GDPD5: variants seen among roughly 807,000 people sequenced by gnomAD.
The protein encoded by GDPD5 is glycerophosphodiester phosphodiesterase 2.
In GDPD5, 48 loss-of-function variants were observed where a neutral mutation model predicts 75.1. That is an observed-to-expected ratio of 0.64 (90% CI 0.51 to 0.81). GDPD5 has a LOEUF of 0.81. Among genes scored for constraint, GDPD5 ranks in the 40% least tolerant of loss-of-function variants. The pLI is 0.00. For synonymous variants in GDPD5, 336 were observed against 339.0 expected, an observed-to-expected ratio of 0.99 and a Z score of 0.10; for missense variants, 706 against 822.6, an observed-to-expected ratio of 0.86 and a Z score of 1.73.
In GDPD5 at chr11:75,449,524, C is replaced by T; in HGVS notation, c.561G>A (p.Glu187=). Reference sequence around the variant, plus strand: ...CTTCACAGTTCTACTCACAGGTCCGCTCTGCGCGGGCGAACTGTCCTGCCA... The same window carrying T: ...CTTCACAGTTCTACTCACAGGTCCGTTCTGCGCGGGCGAACTGTCCTGCCA... The part of the protein sequence containing the change: ...WIVAGQFARA[E]RTSSQVTILC... The change falls in exon 8 of 17, where the codon GAG becomes GAA. Residue 187 remains glutamate (E), a synonymous_variant. Coordinates refer to ENST00000336898, the MANE Select transcript of GDPD5 (RefSeq NM_030792.8). The T allele has an allele frequency of 6.4e-7, 1 of 1,573,150 alleles. No individual in the cohort carries two copies. Among genetic ancestry groups the T allele is most frequent in the South Asian group, 1.2e-5 (1 of 85,606 alleles).
At chr11:75,436,290 G>A (rs1565175753) in intron 16 of GDPD5, among the ~76,000 whole-genome samples, 2 of 152,254 alleles carry the variant, frequency 1.3e-5, no homozygotes, top group East Asian at 1.9e-4. Context: ...CCAGGCAAGC[G>A]GTGCTCCCTT....
At chr11:75,498,270 G>A (rs1173670813) in intron 1 of GDPD5, among the ~76,000 whole-genome samples, 1 of 152,224 alleles carries the variant, frequency 6.6e-6, no homozygotes, top group Non-Finnish European at 1.5e-5. Context: ...GATTTAGTCA[G>A]TACAGCCAGG....
At chr11:75,471,635 T>C (rs1949667008) in intron 3 of GDPD5, among the ~76,000 whole-genome samples, 1 of 152,084 alleles carries the variant, frequency 6.6e-6, no homozygotes, top group African/African-American at 2.4e-5. Flanking sequence ...CGTCACAGGG[T>C]GGGTGGTGAT....
chr11:75,502,416 T>C (rs1950317755), intron 1 of GDPD5, among the ~76,000 whole-genome samples: 1 of 152,240 alleles, frequency 6.6e-6, no homozygotes. Context: ...ACGAATAAGT[T>C]GCATATGGTC....
chr11:75,444,559 G>A, intron 9 of GDPD5, 64 bp from the exon 10 acceptor site: 3 of 1,257,622 alleles, frequency 2.4e-6, no homozygotes, highest in Non-Finnish European at 3.5e-6. Flanking sequence ...CCCAGCCAAT[G>A]GAAAGTCTTT....
At chr11:75,458,087 T>C (rs1002340562) in intron 4 of GDPD5, among the ~76,000 whole-genome samples, 29 of 152,336 alleles carry the variant, frequency 1.9e-4, no homozygotes, top group African/African-American at 7.0e-4. Flanking sequence ...CATGCCTATA[T>C]GTTTGTATAA....
At chr11:75,467,051 C>T (rs751675584) in intron 3 of GDPD5, among the ~76,000 whole-genome samples, 20 of 152,200 alleles carry the variant, frequency 1.3e-4, no homozygotes, top group South Asian at 8.3e-4. Flanking sequence ...GATGCTCCTT[C>T]AGGAAGCCTT....
chr11:75,440,093 T>C (rs1431400103), intron 14 of GDPD5, 132 bp from the exon 15 acceptor site: 1 of 651,676 alleles, frequency 1.5e-6, no homozygotes, highest in African/African-American at 1.8e-5. Flanking sequence ...TGAGAGGGTC[T>C]GGGGGCTGAA....
Position 75,439,861 on chromosome 11 carries a change from T to G in GDPD5, c.1556+18A>C, listed in dbSNP as rs746407336. The G allele has an allele frequency of 6.2e-7, 1 of 1,605,222 alleles. No homozygotes were observed. The highest frequency in any genetic ancestry group is 8.5e-7 in the Non-Finnish European group (1 of 1,172,382). ...TGCAGGGTAGGGACAGCCACGGAAGTGGTCAGATCCTACTCACTTCTGGAG... is the reference window on the plus strand; with the variant it reads ...TGCAGGGTAGGGACAGCCACGGAAGGGGTCAGATCCTACTCACTTCTGGAG... On this transcript the variant is annotated intron_variant, in intron 15 of 16. Transcript: ENST00000336898.
chr11:75,456,302 T>C (rs548260579), intron 6 of GDPD5, among the ~76,000 whole-genome samples: 1 of 152,176 alleles, frequency 6.6e-6, no homozygotes, highest in East Asian at 1.9e-4. Flanking sequence ...AGGCTTTAAG[T>C]TGGGGAATGC....
At chr11:75,476,877 AT>A (rs1400441881) in intron 3 of GDPD5, among the ~76,000 whole-genome samples, 1 of 146,188 alleles carries the variant, frequency 6.8e-6, no homozygotes, top group African/African-American at 2.5e-5. Flanking sequence ...ACCGCTCCCC[AT>A]CCCCCACCCC....
intron 3 of GDPD5, among the ~76,000 whole-genome samples, chr11:75,466,307 G>A (rs888286916): frequency 2.0e-5 from 3 of 152,158 alleles, no homozygotes; most frequent in Admixed American, 1.3e-4. Flanking sequence ...GGCAGGCAGC[G>A]GGGGTCACTC....
At chr11:75,458,461 A>G (rs1949340112) in intron 4 of GDPD5, among the ~76,000 whole-genome samples, 1 of 152,130 alleles carries the variant, frequency 6.6e-6, no homozygotes, top group African/African-American at 2.4e-5. Context: ...TCACGAGGTC[A>G]GGAGATCGAG....
At chr11:75,460,938 A>G (rs1949396936) in intron 4 of GDPD5, among the ~76,000 whole-genome samples, 1 of 151,890 alleles carries the variant, frequency 6.6e-6, no homozygotes. Context: ...AGTGACAGGG[A>G]GCTCACTCTC....
At chr11:75,471,360 C>T (rs965340534) in intron 3 of GDPD5, among the ~76,000 whole-genome samples, 2 of 152,220 alleles carry the variant, frequency 1.3e-5, no homozygotes, top group African/African-American at 2.4e-5. Context: ...CACCCCCAGC[C>T]GGCTCCTGAC....
At position 75,435,531 on chromosome 11, in the gene GDPD5, G is replaced by A. The variant is rs1565175046; in HGVS notation, c.1794C>T (p.Thr598=). The A allele has an allele frequency of 6.2e-7, 1 of 1,611,872 alleles. No homozygotes were observed. The highest frequency in any genetic ancestry group is 8.5e-7 in the Non-Finnish European group (1 of 1,179,068). ...GCTAACGCCCACTCCGCTCTATGAG[G>A]GTCTTGGTGTGGCTGCCACCCCCTC... ...GPRGGGSHTK[T]LIERSGR is the part of the protein sequence containing the mutation. The change falls in exon 17 of 17, where the codon ACC becomes ACT. Residue 598 remains threonine (T), a synonymous_variant. Coordinates refer to ENST00000336898, the MANE Select transcript of GDPD5 (RefSeq NM_030792.8).
At chr11:75,440,078 G>A (rs1948745215) in intron 14 of GDPD5, 117 bp from the exon 15 acceptor site, 6 of 707,896 alleles carry the variant, frequency 8.5e-6, no homozygotes, top group Non-Finnish European at 1.5e-5. Flanking sequence ...GGCAAGGGAG[G>A]ACCCTGAGAG....
intron 3 of GDPD5, among the ~76,000 whole-genome samples, chr11:75,463,581 C>T (rs1165431784): frequency 6.6e-6 from 1 of 152,162 alleles, no homozygotes; most frequent in African/African-American, 2.4e-5. Context: ...GCACAAAAAG[C>T]TTGGAATATC....
At chr11:75,449,428 C>T (rs1949071526) in intron 8 of GDPD5, 89 bp downstream of exon 8, 19 of 1,322,416 alleles carry the variant, frequency 1.4e-5, no homozygotes, top group Non-Finnish European at 2.0e-5. Flanking sequence ...CCCCAGGCCA[C>T]CCCCAGGGAA....
Sources: gnomAD v4.1 joint callset for allele counts (sites outside exome capture counted in the v4.1 genomes callset) on GRCh38, gnomAD v4.1.1 for gene constraint, MANE v1.5 for transcripts, NCBI Gene and HGNC (gene_info 2026-07-23, HGNC 2026-07-21) for gene names.